Variants in LRPPRC observed in about 807,000 individuals in gnomAD.
LRPPRC encodes leucine rich pentatricopeptide repeat containing, also known as leucine-rich PPR motif-containing protein, mitochondrial.
LRPPRC carries 120 observed loss-of-function variants against 180.3 expected under a neutral mutation model. That is an observed-to-expected ratio of 0.67 (90% CI 0.57 to 0.77). The LOEUF (loss-of-function observed/expected upper bound fraction) is 0.77. Ranked by LOEUF, LRPPRC falls within the 30% of genes least tolerant of loss-of-function variation. LRPPRC has a pLI of 0.00. For synonymous variants in LRPPRC, 723 were observed against 600.0 expected (o/e 1.21, Z -3.00); for missense variants, 2,012 against 1,657.2 (o/e 1.21, Z -3.72).
intron 32 of LRPPRC, among the ~76,000 whole-genome samples, chr2:43,900,889 T>G (rs372035899): frequency 2.1e-4 from 31 of 151,014 alleles, no homozygotes; most frequent in African/African-American, 7.6e-4. Context: ...GGTGGGAGAG[T>G]GTTCACGGGG....
At chr2:43,925,007 T>C in intron 27 of LRPPRC, 60 bp downstream of exon 27, 4 of 1,010,594 alleles carry the variant, frequency 4.0e-6, no homozygotes, top group African/African-American at 1.6e-5. Flanking sequence ...CAAATACTCC[T>C]TTCCTGCCAC....
chr2:43,992,603 G>A (rs1435054085), intron 1 of LRPPRC, among the ~76,000 whole-genome samples: 1 of 152,208 alleles, frequency 6.6e-6, no homozygotes, highest in Non-Finnish European at 1.5e-5. Flanking sequence ...GAATGATGAA[G>A]GGGCTGGAGG....
chr2:43,976,317 T>G (rs1322026757), intron 5 of LRPPRC, 88 bp from the exon 6 acceptor site: 1 of 757,666 alleles, frequency 1.3e-6, no homozygotes, highest in Non-Finnish European at 2.3e-6. Flanking sequence ...GAGTTACTTT[T>G]GTTTTTAAAA....
chr2:43,901,279 C>G (rs1454053326), intron 32 of LRPPRC, 41 bp downstream of exon 32: 1 of 1,537,010 alleles, frequency 6.5e-7, no homozygotes, highest in Non-Finnish European at 9.0e-7. Flanking sequence ...AATGCCCATT[C>G]TAGTGACCAA....
Position 43,888,449 on chromosome 2 carries a change from A to G in LRPPRC, c.*151T>C. The G allele has an allele frequency of 1.7e-6, 1 of 600,390 alleles. No homozygotes were observed. 37.2% of individuals were successfully genotyped at this position (600,390 alleles called of 1,614,324 possible). On this transcript the variant is annotated 3_prime_UTR_variant, in exon 38 of 38. Transcript: ENST00000260665. ...AAAAATGTCCAATAACCAAGTGCAC[A>G]GAGTTATGGTCAATAAGACTTTGAA...
chr2:43,915,251 C>CAT (rs1318252880), intron 29 of LRPPRC, among the ~76,000 whole-genome samples: 1 of 125,572 alleles, frequency 8.0e-6, no homozygotes, highest in African/African-American at 3.4e-5. Context: ...CACACACACA[C>CAT]ACACACACAC....
chr2:43,905,016 A>G (rs1390968030), intron 31 of LRPPRC, among the ~76,000 whole-genome samples: 1 of 152,112 alleles, frequency 6.6e-6, no homozygotes, highest in East Asian at 1.9e-4. Context: ...CAAAACTCAT[A>G]AACAGCCTCT....
rs369543481 is a variant in LRPPRC, at chr2:43,934,336, A to G, written c.2630-40T>C. 193 of 896,410 alleles carry G rather than the reference A, an allele frequency of 2.2e-4. No homozygotes were observed. In the African/African-American group the frequency reaches 2.8e-3, roughly 13 times the overall value. The allele number at this position is 896,410 out of a possible 1,614,324, so 55.5% of individuals were successfully genotyped here. ...AAAAAATATATATATTAGGAGAAAAAAAAACCCAGAAAAACAGTATCATAT... is the reference window on the plus strand; with the variant it reads ...AAAAAATATATATATTAGGAGAAAAGAAAACCCAGAAAAACAGTATCATAT... On this transcript the variant is annotated intron_variant, in intron 24 of 37. Transcript: ENST00000260665.
At chr2:43,971,252 T>C (rs1673791337) in intron 11 of LRPPRC, among the ~76,000 whole-genome samples, 1 of 152,040 alleles carries the variant, frequency 6.6e-6, no homozygotes, top group Non-Finnish European at 1.5e-5. Flanking sequence ...CCATATTCAT[T>C]ACAGGTTATT....
rs371919253 is a variant in LRPPRC, at chr2:43,994,185, T to C, written c.149+1614A>G. 7.0e-4 allele frequency among the ~76,000 whole-genome samples: 107 copies of C among 152,314 alleles called. 2 individuals carry two copies. The South Asian group carries it at 0.022, about 31-fold the overall frequency. On this transcript the variant is annotated intron_variant, in intron 1 of 37. Coordinates refer to ENST00000260665, the MANE Select transcript of LRPPRC (RefSeq NM_133259.4). The stretch of plus-strand genomic sequence containing the variant: ...AACTCTGAAAGCCAAGAGATGTATA[T>C]AGTTCTGTGCTCAGAGGCATGATTT...
chr2:43,940,083 T>G (rs1672425015), intron 23 of LRPPRC, among the ~76,000 whole-genome samples: 1 of 152,202 alleles, frequency 6.6e-6, no homozygotes, highest in Non-Finnish European at 1.5e-5. Context: ...TGAATGTAAC[T>G]TAATTACGAC....
chr2:43,946,236 T>G lies in LRPPRC; in HGVS notation c.2087A>C (p.Gln696Pro). 1 of 1,611,006 alleles carries G rather than the reference T, an allele frequency of 6.2e-7. No individual in the cohort carries two copies. The highest frequency in any genetic ancestry group is 8.5e-7 in the Non-Finnish European group (1 of 1,177,460). ...TTTTGCTTTCAATTCAAGGGCTTTTTGCATATTCTAAAATACAGCATAGAT... is the reference window on the plus strand; with the variant it reads ...TTTTGCTTTCAATTCAAGGGCTTTTGGCATATTCTAAAATACAGCATAGAT... ...ILVLCSEENM[Q>P]KALELKAKYE... is the part of the protein sequence containing the mutation. The change falls in exon 21 of 38, where the codon CAA (glutamine) becomes CCA (proline). Residue 696 changes from glutamine to proline, a missense_variant. Transcript: ENST00000260665.
intron 23 of LRPPRC, among the ~76,000 whole-genome samples, chr2:43,937,342 T>A (rs4507144): frequency 0.5 from 76,579 of 151,930 alleles, 20,671 homozygotes; most frequent in East Asian, 0.96. Flanking sequence ...CAAAGTGTAC[T>A]GGAGATAAAA....
chr2:43,982,325 G>C lies in LRPPRC; in HGVS notation c.259C>G (p.Leu87Val). The change falls in exon 2 of 38, where the codon CTA (leucine) becomes GTA (valine). Residue 87 changes from leucine to valine, a missense_variant. By Grantham distance (32) the Leu-to-Val change is conservative. Transcript: ENST00000260665. ...RKISNQFDWALMRLDLSVRRT... is the reference protein window; with the variant it reads ...RKISNQFDWAVMRLDLSVRRT... The stretch of plus-strand genomic sequence containing the variant: ...CGAACAGAAAGATCTAGTCTCATTA[G>C]AGCCCAATCAAACTGATTGGAAATC... 1.9e-6 allele frequency: 3 copies of C among 1,613,068 alleles called. No individual in the cohort carries two copies. Among genetic ancestry groups the C allele is most frequent in the Non-Finnish European group, 2.5e-6 (3 of 1,179,422 alleles).
intron 34 of LRPPRC, among the ~76,000 whole-genome samples, chr2:43,897,613 C>A (rs1324102652): frequency 2.0e-5 from 3 of 152,208 alleles, no homozygotes; most frequent in African/African-American, 7.2e-5. Context: ...GGTTTATCAT[C>A]TGAAACCCCA....
At chr2:43,919,308 A>C (rs1324451879) in intron 27 of LRPPRC, among the ~76,000 whole-genome samples, 1 of 152,174 alleles carries the variant, frequency 6.6e-6, no homozygotes, top group Non-Finnish European at 1.5e-5. Flanking sequence ...GGTACCAAAA[A>C]GGTTGGGGGC....
chr2:43,973,127 T>C (rs931038236), intron 11 of LRPPRC, among the ~76,000 whole-genome samples: 2 of 152,226 alleles, frequency 1.3e-5, no homozygotes, highest in Non-Finnish European at 2.9e-5. Flanking sequence ...TGTCAGGTCA[T>C]GAGTACTCAT....
chr2:43,895,314 C>A (rs2104980850), intron 35 of LRPPRC, among the ~76,000 whole-genome samples: 1 of 152,324 alleles, frequency 6.6e-6, no homozygotes, highest in Non-Finnish European at 1.5e-5. Flanking sequence ...TGTTAACAGG[C>A]ATCTTAAAAA....
intron 6 of LRPPRC, 67 bp from the exon 7 acceptor site, chr2:43,975,284 AAC>A (rs1374603589): frequency 1.1e-4 from 149 of 1,356,730 alleles, no homozygotes; most frequent in Non-Finnish European, 1.5e-4. Flanking sequence ...TTCAAACTAA[AAC>A]ATATGCTTAT....
Sources: allele counts gnomAD v4.1 joint callset (sites outside exome capture counted in the v4.1 genomes callset), GRCh38; gene constraint gnomAD v4.1.1; transcripts MANE v1.5; gene names NCBI Gene and HGNC (gene_info 2026-07-23, HGNC 2026-07-21).